Variants in BCKDHB observed in about 807,000 individuals in gnomAD.
The protein encoded by BCKDHB is branched chain keto acid dehydrogenase E1 subunit beta.
Under a neutral mutation model 48.5 loss-of-function variants are expected in BCKDHB, and 41 were observed. The observed-to-expected ratio is 0.85, with a 90% CI of 0.66 to 1.10. BCKDHB has a LOEUF of 1.10. BCKDHB is among the 50% of genes least tolerant of loss of function. The pLI, the probability that BCKDHB is intolerant of heterozygous loss-of-function variation, is 0.00. For missense variants in BCKDHB, 496 were observed against 494.2 expected (o/e 1.00, Z -0.03); for synonymous variants, 201 against 174.8 (o/e 1.15, Z -1.18).
rs545403649 is a variant in BCKDHB at position 80,225,692 on chromosome 6, T to C, written c.951+22480T>C. Among the ~76,000 whole-genome samples the C allele has an allele frequency of 2.0e-5, 3 of 152,286 alleles. No individual in the cohort carries two copies. In the East Asian group the frequency reaches 5.8e-4, roughly 29 times the overall value. ...CAAAAATTCCATCAACATTTTCCCT[T>C]CACAGCAACATGATAGTGCTTTAAT... On this transcript the variant is annotated intron_variant, in intron 8 of 9. Coordinates refer to ENST00000320393, the MANE Select transcript of BCKDHB (RefSeq NM_183050.4).
At chr6:80,398,453 G>A in the BCKDHB span, among the ~76,000 whole-genome samples, 1 of 152,068 alleles carries the variant, frequency 6.6e-6, no homozygotes, top group East Asian at 1.9e-4. Context: ...GAGCACCTGT[G>A]TGCAGACAAA....
At chr6:80,115,273 G>C (rs1769627662) in intron 1 of BCKDHB, among the ~76,000 whole-genome samples, 1 of 151,958 alleles carries the variant, frequency 6.6e-6, no homozygotes. Flanking sequence ...TCAGCCTCTT[G>C]AGTAGTTGGG....
Position 80,149,485 on chromosome 6 carries a change from C to T in BCKDHB, c.344-18193C>T, listed in dbSNP as rs186274134. 3.0e-4 allele frequency among the ~76,000 whole-genome samples: 46 copies of T among 151,974 alleles called. 1 individual carries two copies. Among genetic ancestry groups the T allele is most frequent in the Middle Eastern group, 3.4e-3 (1 of 292 alleles). On this transcript the variant is annotated intron_variant, in intron 3 of 9. Coordinates refer to ENST00000320393, the MANE Select transcript of BCKDHB (RefSeq NM_183050.4). ...CATTACTGGGTATATACCCAAAGGACTATAAATCATGCTGCTATAAAGACA... is the reference window on the plus strand; with the variant it reads ...CATTACTGGGTATATACCCAAAGGATTATAAATCATGCTGCTATAAAGACA...
At chr6:80,290,191 A>C (rs1766841838) in intron 9 of BCKDHB, among the ~76,000 whole-genome samples, 1 of 152,182 alleles carries the variant, frequency 6.6e-6, no homozygotes, top group African/African-American at 2.4e-5. Context: ...GTAAGTAGCC[A>C]AGATCTGTGG....
chr6:80,169,743 C>T, intron 5 of BCKDHB: 1 of 1,457,972 alleles, frequency 6.9e-7, no homozygotes, highest in Non-Finnish European at 9.4e-7. Flanking sequence ...TGTTTTTTGA[C>T]CACATGAATT....
At chr6:80,369,927 TTATGA>T in the BCKDHB span, among the ~76,000 whole-genome samples, 1 of 126,876 alleles carries the variant, frequency 7.9e-6, no homozygotes, top group Non-Finnish European at 1.8e-5. Context: ...TATATTTTAT[TTATGA>T]TATGTTATAG....
chr6:80,291,008 G>A (rs199719443), intron 9 of BCKDHB, among the ~76,000 whole-genome samples: 5 of 152,148 alleles, frequency 3.3e-5, no homozygotes, highest in Admixed American at 2.6e-4. Context: ...GTGGGTCTTA[G>A]CCAGCTTCTT....
At chr6:80,376,325 C>G in the BCKDHB span, among the ~76,000 whole-genome samples, 1 of 152,104 alleles carries the variant, frequency 6.6e-6, no homozygotes, top group Non-Finnish European at 1.5e-5. Flanking sequence ...AGCTCCCACA[C>G]AGCCCATACC....
At chr6:80,408,724 G>A in the BCKDHB span, among the ~76,000 whole-genome samples, 3 of 150,758 alleles carry the variant, frequency 2.0e-5, no homozygotes, top group Non-Finnish European at 4.4e-5. Flanking sequence ...ATTTTTTATT[G>A]CATCTATTTG....
the BCKDHB span, among the ~76,000 whole-genome samples, chr6:80,365,107 A>G: frequency 1.3e-5 from 2 of 152,210 alleles, no homozygotes; most frequent in Non-Finnish European, 2.9e-5. Flanking sequence ...TCTAACAAAG[A>G]TCACATGCTT....
chr6:80,173,455 C>G lies in BCKDHB; in HGVS notation c.742+2065C>G, dbSNP rs530702240. Among the ~76,000 whole-genome samples, 32 of 152,248 alleles carry G rather than the reference C, an allele frequency of 2.1e-4. No individual in the cohort carries two copies. In the South Asian group the frequency reaches 6.6e-3, roughly 32 times the overall value. On this transcript the variant is annotated intron_variant, in intron 6 of 9. Coordinates refer to ENST00000320393, the MANE Select transcript of BCKDHB (RefSeq NM_183050.4). ...ACCAAAGTCTTCATATTAGTCTTCT[C>G]TAGATGGTTGTCTAAGTTGTTCTCT... is the stretch of plus-strand genomic sequence containing the variant.
chr6:80,127,943 C>T (rs532095060), intron 2 of BCKDHB, among the ~76,000 whole-genome samples: 2 of 152,124 alleles, frequency 1.3e-5, no homozygotes, highest in East Asian at 3.9e-4. Flanking sequence ...TTTCATTCAG[C>T]TATTTATTTA....
At chr6:80,303,113 G>A (rs111455666) in intron 9 of BCKDHB, among the ~76,000 whole-genome samples, 2 of 151,996 alleles carry the variant, frequency 1.3e-5, no homozygotes, top group African/African-American at 4.8e-5. Context: ...TGAACTCAAA[G>A]GGTAATTCTT....
the BCKDHB span, among the ~76,000 whole-genome samples, chr6:80,397,853 T>G: frequency 6.6e-6 from 1 of 152,114 alleles, no homozygotes; most frequent in Non-Finnish European, 1.5e-5. Flanking sequence ...CACTCCAACC[T>G]GGAGACAGAG....
chr6:80,348,191 C>A (rs1226761739), downstream of BCKDHB, among the ~76,000 whole-genome samples: 1 of 150,594 alleles, frequency 6.6e-6, no homozygotes, highest in Non-Finnish European at 1.5e-5. Context: ...TGTTATATAG[C>A]TAACTAAAAG....
chr6:80,223,652 G>A (rs1047452300), intron 8 of BCKDHB, among the ~76,000 whole-genome samples: 1 of 152,036 alleles, frequency 6.6e-6, no homozygotes, highest in Non-Finnish European at 1.5e-5. Flanking sequence ...TAGCTGGATT[G>A]GTGGGCAGGA....
chr6:80,312,349 T>C (rs753564906), intron 9 of BCKDHB, among the ~76,000 whole-genome samples: 8 of 152,348 alleles, frequency 5.3e-5, no homozygotes, highest in Admixed American at 2.6e-4. Context: ...ATTTTCTAAA[T>C]ATAAGATTAT....
chr6:80,256,175 T>A (rs1777041880), intron 8 of BCKDHB, among the ~76,000 whole-genome samples: 1 of 152,200 alleles, frequency 6.6e-6, no homozygotes, highest in South Asian at 2.1e-4. Context: ...CACATTTATA[T>A]GTATTGGCAT....
the BCKDHB span, among the ~76,000 whole-genome samples, chr6:80,450,528 T>C: frequency 2.0e-5 from 3 of 152,122 alleles, no homozygotes; most frequent in Non-Finnish European, 2.9e-5. Flanking sequence ...AGTTTTGGTA[T>C]ATAGGTGCTC....
Sources: allele counts gnomAD v4.1 joint callset (sites outside exome capture counted in the v4.1 genomes callset), GRCh38; gene constraint gnomAD v4.1.1; transcripts MANE v1.5; gene names NCBI Gene and HGNC (gene_info 2026-07-23, HGNC 2026-07-21).